Variants in LAMA3 observed in about 807,000 individuals in gnomAD.
The protein encoded by LAMA3 is laminin subunit alpha 3, also known as laminin subunit alpha-3.
LAMA3 carries 281 observed loss-of-function variants against 402.0 expected under a neutral mutation model. That is an observed-to-expected ratio of 0.70 (90% CI 0.63 to 0.77). The LOEUF (loss-of-function observed/expected upper bound fraction) is 0.77, where lower values mean the gene tolerates loss of function less well. LAMA3 is among the 30% of genes least tolerant of loss of function. The pLI is 0.00. For missense variants in LAMA3, 3,840 were observed against 4,215.5 expected (o/e 0.91, Z 2.47); for synonymous variants, 1,431 against 1,558.4 (o/e 0.92, Z 1.93).
At chr18:23,942,686 T>C (rs1281536860) in intron 68 of LAMA3, among the ~76,000 whole-genome samples, 5 of 151,448 alleles carry the variant, frequency 3.3e-5, no homozygotes, top group Non-Finnish European at 5.9e-5. Flanking sequence ...CAAGCGATTC[T>C]CCTGCCTCAG....
In LAMA3 at chr18:23,832,366, C is replaced by G. The variant is rs138233845; in HGVS notation, c.2824-1462C>G. Among the ~76,000 whole-genome samples the G allele has an allele frequency of 5.8e-3, 885 of 152,124 alleles. 7 individuals are homozygous for G. Among genetic ancestry groups the G allele is most frequent in the African/African-American group, 0.02 (830 of 41,496 alleles). ...TCCACATTCTTTCCCAGAGGGAAATCTTTCTGTCATTTAAGTGACAGAAAA... is the reference window on the plus strand; with the variant it reads ...TCCACATTCTTTCCCAGAGGGAAATGTTTCTGTCATTTAAGTGACAGAAAA... On this transcript the variant is annotated intron_variant, in intron 23 of 74. Transcript: ENST00000313654.
In LAMA3 at chr18:23,847,478, C is replaced by T. The variant is rs763271702; in HGVS notation, c.3946C>T (p.Arg1316Trp). Residue 1316 changes from arginine (R) to tryptophan (W), a missense_variant, in exon 32 of 75, where the codon CGG (arginine) becomes TGG (tryptophan). By Grantham distance (101) the Arg-to-Trp change is moderately radical. Transcript: ENST00000313654. ...FPRCKPCSCG[R>W]RLCEEMTGQC... ...CCCCTGGCCAGCGTGCAGCTGTGGT[C>T]GGCGCCTTTGTGAAGAGATGACGGG... 2.8e-5 allele frequency: 45 copies of T among 1,612,372 alleles called. No individual in the cohort carries two copies. The highest frequency in any genetic ancestry group is 6.6e-5 in the South Asian group (6 of 91,058).
intron 2 of LAMA3, among the ~76,000 whole-genome samples, chr18:23,729,122 ATGTGTG>A (rs72333694): frequency 0.071 from 10,406 of 146,682 alleles, 821 homozygotes; most frequent in Admixed American, 0.19. Context: ...TTGTGTGTGT[ATGTGTG>A]TGTGTGTGTG....
chr18:23,756,131 T>C (rs905841898), intron 6 of LAMA3, among the ~76,000 whole-genome samples: 11 of 152,294 alleles, frequency 7.2e-5, no homozygotes, highest in East Asian at 1.9e-4. Context: ...TGCCACTTGT[T>C]CTGTGCTGCC....
Position 23,914,711 on chromosome 18 carries a change from G to T in LAMA3, c.7495G>T (p.Ala2499Ser). 3 of 1,613,138 alleles carry T rather than the reference G, an allele frequency of 1.9e-6. No individual in the cohort carries two copies. Among genetic ancestry groups the T allele is most frequent in the Non-Finnish European group, 2.5e-6 (3 of 1,179,396 alleles). ...RVKFQRIYQF[A>S]RLNYTKGATS... ...CATTTTAAACAGAATTTATCAGTTT[G>T]CAAGGCTTAATTACACCAAAGGAGC... Residue 2499 changes from alanine (A) to serine (S), a missense_variant, in exon 58 of 75, where the codon GCA becomes TCA. Coordinates refer to ENST00000313654, the MANE Select transcript of LAMA3 (RefSeq NM_198129.4).
chr18:23,835,659 C>T (rs1223612826), intron 24 of LAMA3, among the ~76,000 whole-genome samples: 5 of 152,148 alleles, frequency 3.3e-5, no homozygotes, highest in Non-Finnish European at 5.9e-5. Flanking sequence ...TAAAATACTT[C>T]CTCTTTCTCT....
intron 52 of LAMA3, among the ~76,000 whole-genome samples, chr18:23,907,288 T>A (rs2145178134): frequency 6.6e-6 from 1 of 152,326 alleles, no homozygotes; most frequent in Admixed American, 6.5e-5. Context: ...AGTTTAGCCT[T>A]CCCCAAGTTA....
At chr18:23,909,922 T>C (rs2082047) in intron 55 of LAMA3, among the ~76,000 whole-genome samples, 117,472 of 152,194 alleles carry the variant, frequency 0.77, 45,652 homozygotes, top group African/African-American at 0.86. Context: ...CAGAATATCA[T>C]TGCCCTGGAG....
In LAMA3 at chr18:23,773,546, G is replaced by A. The variant is rs537687160; in HGVS notation, c.1232G>A (p.Arg411His). 16 of 1,598,462 alleles carry A rather than the reference G, an allele frequency of 1.0e-5. No individual in the cohort carries two copies. The East Asian group carries it at 1.3e-4, about 13-fold the overall frequency. Residue 411 changes from arginine to histidine, a missense_variant, in exon 9 of 75, where the codon CGC becomes CAC. This residue lies in a region of LAMA3 where 2,109 missense variants were observed against 2,376.0 expected (regional missense o/e 0.89). Coordinates refer to ENST00000313654, the MANE Select transcript of LAMA3 (RefSeq NM_198129.4). ...GAACAGTGTGCTAAGGGCTATTACC[G>A]CCCTTATGGGGTTCCAGTGGATGCC... ...NCEQCAKGYY[R>H]PYGVPVDAPD...
At position 23,945,368 on chromosome 18, in the gene LAMA3, G is replaced by A. The variant is rs544098801; in HGVS notation, c.9211-776G>A. On this transcript the variant is annotated intron_variant, in intron 69 of 74. Transcript: ENST00000313654. ...TCACATATAGAGGGTGAGAGGAAGA[G>A]AGGGTCCAGATCACATCCTGTGATT... Among the ~76,000 whole-genome samples the A allele has an allele frequency of 4.6e-5, 7 of 152,262 alleles. No homozygotes were observed. In the East Asian group the frequency reaches 1.4e-3, roughly 30 times the overall value.
Position 23,871,506 on chromosome 18 carries a change from G to T in LAMA3, c.4843G>T (p.Asp1615Tyr). Residue 1615 changes from aspartate to tyrosine, a missense_variant, in exon 38 of 75, where the codon GAT becomes TAT. By Grantham distance (160) the Asp-to-Tyr change is radical. Coordinates refer to ENST00000313654, the MANE Select transcript of LAMA3 (RefSeq NM_198129.4). Reference protein sequence around the residue: ...ELMTVLSRLADVRIQGLYFTE... With the variant: ...ELMTVLSRLAYVRIQGLYFTE... ...GATGACAGTGCTGTCTAGACTGGCAGATGTGCGCATCCAAGGCCTCTACTT... is the reference window on the plus strand; with the variant it reads ...GATGACAGTGCTGTCTAGACTGGCATATGTGCGCATCCAAGGCCTCTACTT... The T allele has an allele frequency of 6.8e-6, 11 of 1,614,224 alleles. No individual in the cohort carries two copies. Among genetic ancestry groups the T allele is most frequent in the African/African-American group, 1.3e-5 (1 of 75,052 alleles).
chr18:23,841,879 C>T (rs1428310086), intron 27 of LAMA3, among the ~76,000 whole-genome samples: 2 of 151,938 alleles, frequency 1.3e-5, no homozygotes, highest in Non-Finnish European at 2.9e-5. Flanking sequence ...CTATGGTTGC[C>T]CCACTGCCCT....
chr18:23,713,916 T>C lies in LAMA3; in HGVS notation c.295-4T>C, dbSNP rs777111637. On this transcript the variant is annotated splice_region_variant and splice_polypyrimidine_tract_variant and intron_variant, in intron 1 of 74. Transcript: ENST00000313654. Reference sequence around the variant, plus strand: ...ACAAAAAAAACCCACTTTTTTTTTTTCAGGGCCAGTTCTGTGACTATTGCA... The same window carrying C: ...ACAAAAAAAACCCACTTTTTTTTTTCCAGGGCCAGTTCTGTGACTATTGCA... 1.2e-6 allele frequency: 2 copies of C among 1,604,646 alleles called. No individual in the cohort carries two copies. Among genetic ancestry groups the C allele is most frequent in the African/African-American group, 1.4e-5 (1 of 73,778 alleles).
chr18:23,885,327 C>T (rs1259906380), intron 41 of LAMA3, among the ~76,000 whole-genome samples: 2 of 125,410 alleles, frequency 1.6e-5, no homozygotes, highest in African/African-American at 5.8e-5. Flanking sequence ...AGATAGCCCC[C>T]CCACCCCCCC....
chr18:23,927,162 G>GT (rs1272506039), intron 62 of LAMA3, among the ~76,000 whole-genome samples: 3 of 151,982 alleles, frequency 2.0e-5, no homozygotes, highest in African/African-American at 7.2e-5. Context: ...ACGTTAACTT[G>GT]TTTTTTTGGT....
intron 8 of LAMA3, among the ~76,000 whole-genome samples, chr18:23,770,198 A>T (rs1266716796): frequency 6.7e-6 from 1 of 150,270 alleles, no homozygotes; most frequent in East Asian, 1.9e-4. Context: ...AGACAAAAAC[A>T]TCAACAATAA....
At chr18:23,792,877 G>A (rs2062686954) in intron 12 of LAMA3, among the ~76,000 whole-genome samples, 1 of 152,180 alleles carries the variant, frequency 6.6e-6, no homozygotes, top group Non-Finnish European at 1.5e-5. Context: ...CAAAGCAGCT[G>A]AAGTATTTGT....
chr18:23,878,208 G>A (rs1322063302), intron 39 of LAMA3, among the ~76,000 whole-genome samples: 1 of 152,212 alleles, frequency 6.6e-6, no homozygotes, highest in African/African-American at 2.4e-5. Context: ...AACAAAGGGA[G>A]GGTTTTTTTC....
In LAMA3 at chr18:23,953,093, C is replaced by T. The variant is rs575174453; in HGVS notation, c.9840C>T (p.His3280=). 33 of 1,614,112 alleles carry T rather than the reference C, an allele frequency of 2.0e-5. No homozygotes were observed. In the South Asian group the frequency reaches 3.4e-4, roughly 17 times the overall value. The part of the protein sequence containing the change: ...FPPASTQEPL[H]LGGAPANLTT... ...CTGCCAGCACTCAAGAGCCACTACA[C>T]CTTGGAGGTGCTCCAGGTAACTCTT... The change falls in exon 74 of 75, where the codon CAC becomes CAT. Residue 3280 remains histidine, a synonymous_variant. Transcript: ENST00000313654.
Sources: allele counts gnomAD v4.1 joint callset (sites outside exome capture counted in the v4.1 genomes callset), GRCh38; gene constraint gnomAD v4.1.1; regional missense constraint gnomAD v4.1.1; transcripts MANE v1.5; gene names NCBI Gene and HGNC (gene_info 2026-07-23, HGNC 2026-07-21).